VIL1: variants seen among roughly 807,000 people sequenced by gnomAD.
VIL1 encodes villin-1.
In VIL1, 86 loss-of-function variants were observed where a neutral mutation model predicts 104.0. That is an observed-to-expected ratio of 0.83 (90% confidence interval 0.69 to 0.99). The LOEUF (loss-of-function observed/expected upper bound fraction) is 0.99, where lower values mean the gene tolerates loss of function less well. VIL1 is among the 50% of genes least tolerant of loss of function. VIL1 has a pLI of 0.00. For missense variants in VIL1, 944 were observed against 1,054.1 expected (o/e 0.90, Z 1.45); for synonymous variants, 394 against 412.6 (o/e 0.95, Z 0.55).
intron 4 of VIL1, among the ~76,000 whole-genome samples, chr2:218,426,806 G>A (rs1166537464): frequency 5.3e-5 from 8 of 151,758 alleles, no homozygotes; most frequent in South Asian, 4.2e-4. Context: ...GTTTCACCGT[G>A]TTAGCCAGGA....
chr2:218,433,034 G>T, intron 13 of VIL1, 83 bp downstream of exon 13: 2 of 1,559,118 alleles, frequency 1.3e-6, no homozygotes, highest in South Asian at 2.3e-5. Flanking sequence ...GATGGGTGGT[G>T]GGAGCAGGGC....
intron 1 of VIL1, among the ~76,000 whole-genome samples, chr2:218,422,717 G>A (rs569860727): frequency 1.8e-4 from 27 of 152,212 alleles, no homozygotes; most frequent in African/African-American, 5.8e-4. Flanking sequence ...TCAGCGAGTG[G>A]AGGCCTGACC....
chr2:218,436,512 C>A lies in VIL1; in HGVS notation c.1857C>A (p.Pro619=), dbSNP rs896416259. ...RLQEENLVIT[P]RLFECSNKTG... The stretch of plus-strand genomic sequence containing the variant: ...AGGAAGAAAACCTGGTCATCACCCC[C>A]CGGCTCTTTGAGTGTTCCAACAAGA... Residue 619 remains proline (P), a synonymous_variant, in exon 16 of 20, where the codon CCC becomes CCA. Coordinates refer to ENST00000248444, the MANE Select transcript of VIL1 (RefSeq NM_007127.3). The A allele has an allele frequency of 1.2e-6, 2 of 1,613,962 alleles. No individual in the cohort carries two copies. The highest frequency in any genetic ancestry group is 1.1e-5 in the South Asian group (1 of 91,066).
intron 1 of VIL1, among the ~76,000 whole-genome samples, chr2:218,419,843 A>G (rs10932780): frequency 0.99 from 150,009 of 152,286 alleles, 73,933 homozygotes; most frequent in Middle Eastern, 1. Context: ...CAGAACTAGG[A>G]ATGGGAGCTA....
In VIL1 at chr2:218,440,927, G is replaced by C. The variant is rs1003930264; in HGVS notation, c.2370+65G>C. ...GTTGGACCACCATAGTTGACTCCCA[G>C]ATTTGGCCCTGCAGGTGACTAGGTG... On this transcript the variant is annotated intron_variant, in intron 19 of 19. Coordinates refer to ENST00000248444, the MANE Select transcript of VIL1 (RefSeq NM_007127.3). 8 of 1,589,298 alleles carry C rather than the reference G, an allele frequency of 5.0e-6. No individual in the cohort carries two copies. The Admixed American group carries it at 1.1e-4, about 21-fold the overall frequency.
Position 218,429,858 on chromosome 2 carries a change from A to C in VIL1, c.859A>C (p.Ile287Leu), listed in dbSNP as rs1237421391. ...CCTCTCCCGACTCTAGGACTGTTAC[A>C]TCCTGGACCAGGGGGGCCTGAAGAT... ...QDLLSHEDCYILDQGGLKIYV... is the reference protein window; with the variant it reads ...QDLLSHEDCYLLDQGGLKIYV... Residue 287 changes from isoleucine to leucine, a missense_variant, in exon 9 of 20, where the codon ATC becomes CTC. Ile to Leu is a conservative substitution (Grantham distance 5). Transcript: ENST00000248444. 1.2e-6 allele frequency: 2 copies of C among 1,613,126 alleles called. No individual in the cohort carries two copies. The highest frequency in any genetic ancestry group is 1.7e-6 in the Non-Finnish European group (2 of 1,179,610).
intron 12 of VIL1, 121 bp from the exon 13 acceptor site, chr2:218,432,672 G>A (rs1689120078): frequency 7.6e-7 from 1 of 1,307,304 alleles, no homozygotes; most frequent in African/African-American, 1.5e-5. Context: ...GAGTTTGGTG[G>A]GGAAGACAAT....
At chr2:218,431,763 G>A in intron 10 of VIL1, 94 bp from the exon 11 acceptor site, 1 of 1,044,344 alleles carries the variant, frequency 9.6e-7, no homozygotes, top group Non-Finnish European at 1.5e-6. Context: ...ATCTGAAAAT[G>A]AGTCTAAGAA....
chr2:218,431,994 A>G (rs541453312), intron 11 of VIL1, 37 bp downstream of exon 11: 12 of 1,613,942 alleles, frequency 7.4e-6, no homozygotes, highest in Non-Finnish European at 1.0e-5. Context: ...TGGGTGGAGC[A>G]GGAATGGTGG....
rs141506332 is a variant in VIL1 at position 218,437,258 on chromosome 2, C to T, written c.2106C>T (p.His702=). 118 of 1,614,202 alleles carry T rather than the reference C, an allele frequency of 7.3e-5. 1 individual carries two copies. The Middle Eastern group carries it at 3.3e-3, about 45-fold the overall frequency. The change falls in exon 17 of 20, where the codon CAC becomes CAT. Residue 702 remains histidine, a synonymous_variant. Transcript: ENST00000248444. ...ETPIIVVKQG[H]EPPTFTGWFL... ...CCATCATTGTGGTGAAGCAGGGACA[C>T]GAGCCCCCCACCTTCACAGGCTGGT...
At chr2:218,444,971 G>C (rs762044172) in intron 19 of VIL1, among the ~76,000 whole-genome samples, 1 of 152,198 alleles carries the variant, frequency 6.6e-6, no homozygotes, top group Non-Finnish European at 1.5e-5. Flanking sequence ...GGACCAGAGA[G>C]AGCAAAGACC....
At chr2:218,436,406 C>T in intron 15 of VIL1, 76 bp from the exon 16 acceptor site, 1 of 1,548,310 alleles carries the variant, frequency 6.5e-7, no homozygotes. Flanking sequence ...GAGTCCCTTC[C>T]TCAGAGTTCT....
intron 17 of VIL1, among the ~76,000 whole-genome samples, chr2:218,438,194 T>A (rs1689227823): frequency 6.9e-6 from 1 of 144,884 alleles, no homozygotes; most frequent in African/African-American, 2.5e-5. Flanking sequence ...TCATTCAGCA[T>A]AAGTGTGCTC....
Position 218,425,638 on chromosome 2 carries a change from G to T in VIL1, c.174G>T (p.Leu58=). 6.2e-7 allele frequency: 1 copy of T among 1,614,208 alleles called. No individual in the cohort carries two copies. ...ILAIHKTASS[L]SYDIHYWIGQ... is the part of the protein sequence containing the mutation. ...AGATCCACAAGACAGCCAGCAGCCTGTCCTATGACATCCACTACTGGATTG... is the reference window on the plus strand; with the variant it reads ...AGATCCACAAGACAGCCAGCAGCCTTTCCTATGACATCCACTACTGGATTG... The change falls in exon 4 of 20, where the codon CTG becomes CTT. Residue 58 remains leucine, a synonymous_variant. Transcript: ENST00000248444.
At chr2:218,440,085 A>G (rs781693273) in intron 18 of VIL1, among the ~76,000 whole-genome samples, 1 of 152,226 alleles carries the variant, frequency 6.6e-6, no homozygotes, top group Admixed American at 6.5e-5. Flanking sequence ...ACTGGCATGT[A>G]TAGATAGGTC....
At chr2:218,447,981 T>C (rs534208166) in intron 19 of VIL1, among the ~76,000 whole-genome samples, 12 of 152,254 alleles carry the variant, frequency 7.9e-5, no homozygotes, top group African/African-American at 2.6e-4. Context: ...TGTTTCTGGC[T>C]GGGGGTGGTG....
Position 218,435,214 on chromosome 2 carries a change from C to T in VIL1, c.1681-75C>T, listed in dbSNP as rs576501695. ...AGGAGAGCCCTCTTTGACCCCTGAA[C>T]TCTGGGCAGTGAATGTAGTAGGAGG... On this transcript the variant is annotated intron_variant, in intron 14 of 19. Transcript: ENST00000248444. 1.0e-5 allele frequency: 16 copies of T among 1,572,006 alleles called. No homozygotes were observed. The African/African-American group carries it at 2.0e-4, about 20-fold the overall frequency.
At chr2:218,427,825 C>G (rs947062368) in intron 4 of VIL1, 140 bp from the exon 5 acceptor site, 1 of 712,676 alleles carries the variant, frequency 1.4e-6, no homozygotes, top group African/African-American at 1.8e-5. Context: ...CTAAAGTTTG[C>G]GCCCTCAGCA....
chr2:218,431,994 A>AGGAATGGTGGAGCC lies in VIL1; in HGVS notation c.1203+38_1204-38dup, dbSNP rs777186834. The AGGAATGGTGGAGCC allele has an allele frequency of 2.5e-6, 4 of 1,614,060 alleles. No homozygotes were observed. The East Asian group carries it at 8.9e-5, about 36-fold the overall frequency. On this transcript the variant is annotated intron_variant, in intron 11 of 19. Coordinates refer to ENST00000248444, the MANE Select transcript of VIL1 (RefSeq NM_007127.3). Reference sequence around the variant, plus strand: ...CAGAGAGGCCCGTGCTGGGTGGAGCAGGAATGGTGGAGCCTGTCCTGGACC... The same window carrying AGGAATGGTGGAGCC: ...CAGAGAGGCCCGTGCTGGGTGGAGCAGGAATGGTGGAGCCGGAATGGTGGAGCCTGTCCTGGACC...
Sources: allele counts gnomAD v4.1 joint callset (sites outside exome capture counted in the v4.1 genomes callset), GRCh38; gene constraint gnomAD v4.1.1; transcripts MANE v1.5; gene names NCBI Gene and HGNC (gene_info 2026-07-23, HGNC 2026-07-21).